LRP1B: variants seen among roughly 807,000 people sequenced by gnomAD.
LRP1B encodes low-density lipoprotein receptor-related protein 1B.
A neutral mutation model predicts 556.6 loss-of-function variants in LRP1B; 217 were observed. The ratio of observed to expected loss-of-function variants is 0.39; its 90% CI spans 0.35 to 0.44. The LOEUF (loss-of-function observed/expected upper bound fraction) is 0.44. Ranked by LOEUF, LRP1B falls within the 20% of genes least tolerant of loss-of-function variation. The pLI, the probability that LRP1B is intolerant of heterozygous loss-of-function variation, is 1.00. For missense variants in LRP1B, 5,053 were observed against 5,620.8 expected, an observed-to-expected ratio of 0.90 and a Z score of 3.23; for synonymous variants, 2,047 against 1,865.8, an observed-to-expected ratio of 1.10 and a Z score of -2.50.
chr2:141,795,598 T>G (rs560464154), intron 2 of LRP1B, among the ~76,000 whole-genome samples: 6 of 151,940 alleles, frequency 3.9e-5, no homozygotes, highest in South Asian at 2.1e-4. Context: ...TAAAACTATA[T>G]TACTGGGTGG....
chr2:141,033,988 G>A (rs1698455640), intron 11 of LRP1B, among the ~76,000 whole-genome samples: 2 of 151,994 alleles, frequency 1.3e-5, no homozygotes, highest in South Asian at 4.2e-4. Context: ...GCTTCTAGGG[G>A]TATACTTAAA....
intron 2 of LRP1B, among the ~76,000 whole-genome samples, chr2:141,796,830 G>A (rs1404902734): frequency 1.3e-5 from 2 of 150,972 alleles, no homozygotes; most frequent in Non-Finnish European, 3.0e-5. Context: ...ATTTTTTTTT[G>A]TGTGTGAAAT....
At chr2:141,101,750 T>C (rs1289200300) in intron 7 of LRP1B, among the ~76,000 whole-genome samples, 2 of 152,186 alleles carry the variant, frequency 1.3e-5, no homozygotes, top group Admixed American at 1.3e-4. Flanking sequence ...TGTTAGTTAT[T>C]ACTTTTCTGT....
chr2:141,393,115 T>G (rs1187348565), intron 3 of LRP1B, among the ~76,000 whole-genome samples: 2 of 152,142 alleles, frequency 1.3e-5, no homozygotes, highest in Non-Finnish European at 1.5e-5. Flanking sequence ...AAGATTATAT[T>G]GGGCAGAAGC....
At chr2:140,609,825 C>T (rs1683004707) in intron 41 of LRP1B, among the ~76,000 whole-genome samples, 1 of 152,170 alleles carries the variant, frequency 6.6e-6, no homozygotes, top group Non-Finnish European at 1.5e-5. Context: ...TCATTCTTGT[C>T]AATTCATTCT....
chr2:140,603,819 G>T (rs917558628), intron 41 of LRP1B, among the ~76,000 whole-genome samples: 10 of 152,008 alleles, frequency 6.6e-5, no homozygotes, highest in Non-Finnish European at 1.3e-4. Flanking sequence ...TTCTAAAAAT[G>T]ATGTTTAGAT....
rs369787900 is a variant in LRP1B, at chr2:140,655,942, C to CAAAAAAAAAAAAAAA, written c.6799+44307_6799+44308insTTTTTTTTTTTTTTT. On this transcript the variant is annotated intron_variant, in intron 41 of 90. Transcript: ENST00000389484. The stretch of plus-strand genomic sequence containing the variant: ...TGGGAGACAGGGTGAGACTCCGTCT[C>CAAAAAAAAAAAAAAA]AAAAAAAACAAAAAAAGAATAGGCA... Among the ~76,000 whole-genome samples, 255 of 145,948 alleles carry CAAAAAAAAAAAAAAA rather than the reference C, an allele frequency of 1.7e-3. 7 individuals carry two copies. The highest frequency in any genetic ancestry group is 2.4e-3 in the African/African-American group (94 of 39,262).
At chr2:141,410,473 G>C (rs143273978) in intron 3 of LRP1B, among the ~76,000 whole-genome samples, 14 of 151,908 alleles carry the variant, frequency 9.2e-5, no homozygotes, top group Admixed American at 4.6e-4. Flanking sequence ...TAAAATATTA[G>C]GTTATATAAC....
chr2:140,287,879 ACTTTG>A (rs1683213500), intron 84 of LRP1B, among the ~76,000 whole-genome samples: 1 of 142,262 alleles, frequency 7.0e-6, no homozygotes, highest in Admixed American at 7.4e-5. Flanking sequence ...TTTTAATTTA[ACTTTG>A]CTTTTATTTG....
intron 3 of LRP1B, among the ~76,000 whole-genome samples, chr2:141,458,946 A>G (rs7578144): frequency 0.84 from 127,808 of 152,104 alleles, 56,075 homozygotes; most frequent in East Asian, 1. Context: ...AATATGTAGA[A>G]AGGAAATTGG....
chr2:141,686,737 G>A (rs948512720), intron 2 of LRP1B, among the ~76,000 whole-genome samples: 7 of 151,962 alleles, frequency 4.6e-5, no homozygotes, highest in African/African-American at 1.4e-4. Context: ...CCTTTCAGAG[G>A]TGATTGGATC....
rs902369675 is a variant in LRP1B at position 142,118,373 on chromosome 2, G to A, written c.82+12275C>T. 4.6e-5 allele frequency among the ~76,000 whole-genome samples: 7 copies of A among 152,000 alleles called. 1 individual carries two copies. Among genetic ancestry groups the A allele is most frequent in the Non-Finnish European group, 1.0e-4 (7 of 68,010 alleles). On this transcript the variant is annotated intron_variant, in intron 1 of 90. Transcript: ENST00000389484. ...TATTTTTTACTTAAGTGATTTTCAC[G>A]CTATTGCTAGATTTTTCAGGTGTCT...
intron 15 of LRP1B, among the ~76,000 whole-genome samples, chr2:140,996,288 A>G (rs1032776832): frequency 7.9e-5 from 12 of 152,060 alleles, no homozygotes; most frequent in Admixed American, 2.6e-4. Context: ...CAAAGAAACC[A>G]CATTATCAAT....
chr2:140,631,710 A>G (rs1032975270), intron 41 of LRP1B, among the ~76,000 whole-genome samples: 1 of 152,066 alleles, frequency 6.6e-6, no homozygotes, highest in African/African-American at 2.4e-5. Context: ...AAGAAATGAG[A>G]AGGAAGAGAC....
At chr2:141,559,448 T>C (rs1686068296) in intron 2 of LRP1B, among the ~76,000 whole-genome samples, 1 of 151,712 alleles carries the variant, frequency 6.6e-6, no homozygotes, top group Non-Finnish European at 1.5e-5. Context: ...TCACTTTATA[T>C]CAGATTAGAT....
At chr2:141,500,374 A>G (rs1574017661) in intron 2 of LRP1B, among the ~76,000 whole-genome samples, 1 of 152,150 alleles carries the variant, frequency 6.6e-6, no homozygotes, top group Non-Finnish European at 1.5e-5. Flanking sequence ...CTGTGTGCAT[A>G]CGAAAATAAA....
intron 1 of LRP1B, among the ~76,000 whole-genome samples, chr2:141,947,314 G>T (rs969735304): frequency 6.6e-6 from 1 of 152,006 alleles, no homozygotes; most frequent in Non-Finnish European, 1.5e-5. Context: ...GTGCATGCCT[G>T]TAGTCCCAGC....
intron 3 of LRP1B, among the ~76,000 whole-genome samples, chr2:141,359,672 C>T (rs527439004): frequency 6.6e-6 from 1 of 152,256 alleles, no homozygotes; most frequent in Admixed American, 6.5e-5. Context: ...AGGAGAATCG[C>T]TTGAACCCGG....
intron 59 of LRP1B, among the ~76,000 whole-genome samples, chr2:140,483,615 C>CATATATATATATATATATAT (rs201503377): frequency 1.1e-5 from 1 of 88,368 alleles, no homozygotes; most frequent in South Asian, 4.0e-4. Flanking sequence ...CACACACACA[C>CATATATATATATATATATAT]ATATATATAT....
Sources: gnomAD v4.1 joint callset for allele counts (sites outside exome capture counted in the v4.1 genomes callset) on GRCh38, gnomAD v4.1.1 for gene constraint, MANE v1.5 for transcripts, NCBI Gene and HGNC (gene_info 2026-07-23, HGNC 2026-07-21) for gene names.